The following GRM3 variants were observed in gnomAD, a reference collection of about 807,000 sequenced individuals.
The protein encoded by GRM3 is glutamate metabotropic receptor 3.
GRM3 carries 26 observed loss-of-function variants against 70.5 expected under a neutral mutation model. That is an observed-to-expected ratio of 0.37 (90% CI 0.27 to 0.51). GRM3 has a LOEUF of 0.51. Among genes scored for constraint, GRM3 ranks in the 20% least tolerant of loss-of-function variants. GRM3 has a pLI of 0.93. For missense variants in GRM3, 859 were observed against 1,123.8 expected (o/e 0.76, Z 3.37); for synonymous variants, 443 against 434.9 (o/e 1.02, Z -0.23).
intron 1 of GRM3, among the ~76,000 whole-genome samples, chr7:86,678,389 A>G (rs1009274316): frequency 6.6e-6 from 1 of 152,048 alleles, no homozygotes; most frequent in African/African-American, 2.4e-5. Flanking sequence ...CAAGAAGAAA[A>G]GAATAGGCTA....
chr7:86,796,980 C>A (rs762493559), intron 3 of GRM3, among the ~76,000 whole-genome samples: 1 of 152,212 alleles, frequency 6.6e-6, no homozygotes, highest in African/African-American at 2.4e-5. Context: ...GTAAGATATG[C>A]CTTTGCTCCT....
chr7:86,661,201 C>G (rs1348134406), intron 1 of GRM3, among the ~76,000 whole-genome samples: 4 of 151,956 alleles, frequency 2.6e-5, no homozygotes, highest in African/African-American at 4.8e-5. Context: ...TTTCTATTCT[C>G]TTAGTAACTA....
At chr7:86,658,740 A>G (rs1793816830) in intron 1 of GRM3, among the ~76,000 whole-genome samples, 1 of 152,054 alleles carries the variant, frequency 6.6e-6, no homozygotes, top group African/African-American at 2.4e-5. Context: ...AATTTTCCTC[A>G]TCTTTAAAAC....
chr7:86,723,345 C>A (rs1464017082), intron 1 of GRM3, among the ~76,000 whole-genome samples: 2 of 152,056 alleles, frequency 1.3e-5, no homozygotes, highest in Non-Finnish European at 2.9e-5. Flanking sequence ...AGAATGCTGG[C>A]AAGTGATATT....
At chr7:86,731,408 A>T (rs1367255363) in intron 1 of GRM3, among the ~76,000 whole-genome samples, 1 of 152,150 alleles carries the variant, frequency 6.6e-6, no homozygotes, top group Non-Finnish European at 1.5e-5. Flanking sequence ...TGCCTCCATG[A>T]TTCTTTCCAT....
chr7:86,758,267 C>T (rs1796395660), intron 1 of GRM3, among the ~76,000 whole-genome samples: 1 of 152,108 alleles, frequency 6.6e-6, no homozygotes, highest in Admixed American at 6.6e-5. Context: ...AAATATCCTC[C>T]TAAAAATGGT....
At chr7:86,767,504 G>A (rs1467891264) in intron 2 of GRM3, among the ~76,000 whole-genome samples, 4 of 113,444 alleles carry the variant, frequency 3.5e-5, no homozygotes, top group South Asian at 3.2e-4. Context: ...AAAGAGTATC[G>A]GTCATACTTC....
Position 86,698,068 on chromosome 7 carries a change from A to G in GRM3, c.-141+53196A>G, listed in dbSNP as rs17697199. On this transcript the variant is annotated intron_variant, in intron 1 of 5. Transcript: ENST00000361669. ...GTCTGAGCTACAATGTTGTCTATTC[A>G]TGGGCAAGGAATTAAACTGAAACAG... Among the ~76,000 whole-genome samples, 80 of 152,292 alleles carry G rather than the reference A, an allele frequency of 5.3e-4. 1 individual carries two copies. The East Asian group carries it at 0.013, about 25-fold the overall frequency.
At chr7:86,798,169 C>T (rs1797598665) in intron 3 of GRM3, among the ~76,000 whole-genome samples, 1 of 152,166 alleles carries the variant, frequency 6.6e-6, no homozygotes, top group African/African-American at 2.4e-5. Flanking sequence ...CACAGATTCC[C>T]CATCTGGGGA....
intron 1 of GRM3, among the ~76,000 whole-genome samples, chr7:86,758,597 G>A (rs757597823): frequency 2.6e-5 from 4 of 152,028 alleles, no homozygotes; most frequent in Admixed American, 6.6e-5. Flanking sequence ...GAAGGGAAGC[G>A]AATAAATCTG....
At chr7:86,749,507 T>C (rs1186576068) in intron 1 of GRM3, among the ~76,000 whole-genome samples, 2 of 151,972 alleles carry the variant, frequency 1.3e-5, no homozygotes, top group African/African-American at 2.4e-5. Flanking sequence ...ATCTGGACAG[T>C]GGATAGAATC....
chr7:86,658,720 C>T (rs1463389818), intron 1 of GRM3, among the ~76,000 whole-genome samples: 1 of 152,046 alleles, frequency 6.6e-6, no homozygotes, highest in Non-Finnish European at 1.5e-5. Flanking sequence ...AATTAACTCA[C>T]TCTGGAGCAA....
intron 4 of GRM3, among the ~76,000 whole-genome samples, chr7:86,841,204 G>A (rs1468533025): frequency 6.6e-6 from 1 of 152,120 alleles, no homozygotes; most frequent in Admixed American, 6.6e-5. Flanking sequence ...TTTAAAGCTT[G>A]GAATCAAGAT....
chr7:86,795,345 A>G (rs571570849), intron 3 of GRM3, among the ~76,000 whole-genome samples: 25 of 150,110 alleles, frequency 1.7e-4, no homozygotes, highest in African/African-American at 5.6e-4. Context: ...TGCAGAACAT[A>G]CAGGTTTCTT....
chr7:86,750,067 A>T (rs1003996963), intron 1 of GRM3, among the ~76,000 whole-genome samples: 2 of 152,092 alleles, frequency 1.3e-5, no homozygotes, highest in Non-Finnish European at 2.9e-5. Flanking sequence ...TACTTTTCCC[A>T]TTCAAGAATG....
Position 86,682,528 on chromosome 7 carries a change from C to T in GRM3, c.-141+37656C>T, listed in dbSNP as rs528973996. Among the ~76,000 whole-genome samples, 4 of 152,180 alleles carry T rather than the reference C, an allele frequency of 2.6e-5. No homozygotes were observed. The South Asian group carries it at 8.3e-4, about 32-fold the overall frequency. ...TGGTTTTACATTATGTTTTGGTTTA[C>T]ACTTGTATTATTTTTTGTTTGGAGA... On this transcript the variant is annotated intron_variant, in intron 1 of 5. Transcript: ENST00000361669.
intron 1 of GRM3, among the ~76,000 whole-genome samples, chr7:86,751,541 T>A (rs1051809817): frequency 6.6e-6 from 1 of 152,148 alleles, no homozygotes; most frequent in Non-Finnish European, 1.5e-5. Flanking sequence ...ATAATTTCAT[T>A]CACTTTTCAG....
chr7:86,804,844 G>A (rs1797754939), intron 3 of GRM3, among the ~76,000 whole-genome samples: 1 of 152,160 alleles, frequency 6.6e-6, no homozygotes. Context: ...TGAGTGTGGT[G>A]GCTCATGCCT....
At chr7:86,790,666 CCTT>C (rs1430520638) in intron 3 of GRM3, among the ~76,000 whole-genome samples, 2 of 152,146 alleles carry the variant, frequency 1.3e-5, no homozygotes, top group East Asian at 3.9e-4. Context: ...CTTTTACTCT[CCTT>C]CTTTCTCACT....
Sources: gnomAD v4.1 joint callset for allele counts (sites outside exome capture counted in the v4.1 genomes callset) on GRCh38, gnomAD v4.1.1 for gene constraint, MANE v1.5 for transcripts, NCBI Gene and HGNC (gene_info 2026-07-23, HGNC 2026-07-21) for gene names.